The following ALCAM variants were observed in gnomAD, a reference collection of about 807,000 sequenced individuals.
ALCAM encodes the protein activated leukocyte cell adhesion molecule, also known as CD166 antigen.
Under a neutral mutation model 70.9 loss-of-function variants are expected in ALCAM, and 30 were observed. That is an observed-to-expected ratio of 0.42 (90% CI 0.32 to 0.57). ALCAM has a LOEUF of 0.57. Among genes scored for constraint, ALCAM ranks in the 20% least tolerant of loss-of-function variants. The probability of loss-of-function intolerance (pLI) is 0.11; values close to 1 mark genes in which losing one functional copy is unlikely to be tolerated. For missense variants in ALCAM, 591 were observed against 695.1 expected (o/e 0.85, Z 1.68); for synonymous variants, 249 against 242.5 (o/e 1.03, Z -0.25).
intron 1 of ALCAM, among the ~76,000 whole-genome samples, chr3:105,455,270 T>A (rs1937520184): frequency 6.6e-6 from 1 of 150,994 alleles, no homozygotes; most frequent in Non-Finnish European, 1.5e-5. Flanking sequence ...TGAAACCCCG[T>A]CTCTACTAAA....
intron 1 of ALCAM, among the ~76,000 whole-genome samples, chr3:105,395,192 T>G (rs1935920416): frequency 6.6e-6 from 1 of 151,976 alleles, no homozygotes; most frequent in Non-Finnish European, 1.5e-5. Context: ...TGGCAGTTAT[T>G]TTGGGCCTTT....
intron 3 of ALCAM, among the ~76,000 whole-genome samples, chr3:105,530,556 T>C (rs1460193662): frequency 6.6e-6 from 1 of 152,028 alleles, no homozygotes; most frequent in Non-Finnish European, 1.5e-5. Flanking sequence ...TCTATATTTA[T>C]TTTTTCTATT....
chr3:105,563,663 A>ATTTTTTTTTTTT (rs1940677356), intron 14 of ALCAM, among the ~76,000 whole-genome samples: 1 of 72,546 alleles, frequency 1.4e-5, no homozygotes, highest in Admixed American at 1.6e-4. Context: ...AATTCCAAGC[A>ATTTTTTTTTTTT]TTTCTTTTTT....
In ALCAM at chr3:105,461,047, G is replaced by C. The variant is rs1295427457; in HGVS notation, c.74-59020G>C. Among the ~76,000 whole-genome samples the C allele has an allele frequency of 2.6e-5, 4 of 151,348 alleles. No individual in the cohort carries two copies. In the East Asian group the frequency reaches 5.8e-4, roughly 22 times the overall value. ...GTCTGCATGTGTGTGGTGTGCGTTG[G>C]GGTGAATGTATTACTATGAAGTATA... On this transcript the variant is annotated intron_variant, in intron 1 of 15. Transcript: ENST00000306107.
chr3:105,425,989 C>T (rs1936781023), intron 1 of ALCAM, among the ~76,000 whole-genome samples: 1 of 151,750 alleles, frequency 6.6e-6, no homozygotes, highest in African/African-American at 2.4e-5. Flanking sequence ...GAGACCTATC[C>T]CTTCAGTAGA....
intron 14 of ALCAM, among the ~76,000 whole-genome samples, chr3:105,557,078 C>G (rs762711347): frequency 6.6e-6 from 1 of 151,864 alleles, no homozygotes; most frequent in African/African-American, 2.4e-5. Flanking sequence ...CCTTACCAGG[C>G]CTTTTTTGGA....
intron 1 of ALCAM, among the ~76,000 whole-genome samples, chr3:105,420,421 G>A (rs2107414326): frequency 6.6e-6 from 1 of 151,782 alleles, no homozygotes; most frequent in African/African-American, 2.4e-5. Context: ...ACCCAACTTT[G>A]CCTCTGAGAA....
intron 1 of ALCAM, among the ~76,000 whole-genome samples, chr3:105,482,829 C>A (rs568784356): frequency 2.0e-5 from 3 of 151,968 alleles, no homozygotes; most frequent in Non-Finnish European, 4.4e-5. Flanking sequence ...TTTGTGGAGT[C>A]GTCTTTCTCT....
At chr3:105,563,222 G>A (rs567497408) in intron 14 of ALCAM, among the ~76,000 whole-genome samples, 5 of 147,956 alleles carry the variant, frequency 3.4e-5, no homozygotes, top group Admixed American at 2.7e-4. Context: ...AAAAAAAGCC[G>A]GTAGAATTTT....
chr3:105,552,861 T>TGGGA, intron 14 of ALCAM: 1 of 1,207,026 alleles, frequency 8.3e-7, no homozygotes, highest in African/African-American at 1.6e-5. Context: ...TTGAGTGAAT[T>TGGGA]TTTTAAAGCG....
At chr3:105,460,908 T>C (rs1329632770) in intron 1 of ALCAM, among the ~76,000 whole-genome samples, 1 of 151,376 alleles carries the variant, frequency 6.6e-6, no homozygotes, top group Non-Finnish European at 1.5e-5. Flanking sequence ...TTTAGATATA[T>C]GTTTTCAATT....
chr3:105,444,556 A>C (rs1937253756), intron 1 of ALCAM, among the ~76,000 whole-genome samples: 1 of 152,174 alleles, frequency 6.6e-6, no homozygotes, highest in South Asian at 2.1e-4. Flanking sequence ...AAACCATATC[A>C]CCAACATAAT....
intron 1 of ALCAM, among the ~76,000 whole-genome samples, chr3:105,385,288 G>T (rs1211209554): frequency 6.6e-6 from 1 of 151,562 alleles, no homozygotes; most frequent in African/African-American, 2.4e-5. Context: ...TATAGTAAAA[G>T]ATGTGATTTC....
At chr3:105,490,845 C>T (rs533615161) in intron 1 of ALCAM, among the ~76,000 whole-genome samples, 39 of 152,298 alleles carry the variant, frequency 2.6e-4, no homozygotes, top group African/African-American at 8.9e-4. Flanking sequence ...CAGCTTTTCT[C>T]GGCACACAGT....
intron 1 of ALCAM, among the ~76,000 whole-genome samples, chr3:105,441,537 C>T (rs1937170282): frequency 6.6e-6 from 1 of 152,152 alleles, no homozygotes; most frequent in South Asian, 2.1e-4. Context: ...ACATATGGAG[C>T]TGTAAATCAT....
intron 14 of ALCAM, 94 bp downstream of exon 14, chr3:105,552,679 T>C (rs1318963032): frequency 6.3e-7 from 1 of 1,586,376 alleles, no homozygotes; most frequent in Non-Finnish European, 8.6e-7. Flanking sequence ...GTGCATATAA[T>C]TTATACAATA....
At chr3:105,535,756 C>A (rs949265911) in intron 6 of ALCAM, among the ~76,000 whole-genome samples, 7 of 151,884 alleles carry the variant, frequency 4.6e-5, no homozygotes, top group Admixed American at 6.6e-5. Context: ...GGATTTTCTT[C>A]TTATTATTAA....
chr3:105,520,023 C>A (rs777562447), intron 1 of ALCAM, 44 bp from the exon 2 acceptor site: 2 of 1,277,488 alleles, frequency 1.6e-6, no homozygotes, highest in Admixed American at 2.1e-5. Flanking sequence ...AAATTTTGTT[C>A]TCTCTCTCTT....
chr3:105,457,719 C>A (rs888366492), intron 1 of ALCAM, among the ~76,000 whole-genome samples: 15 of 152,070 alleles, frequency 9.9e-5, no homozygotes, highest in Non-Finnish European at 2.9e-5. Context: ...TAGCAAGCCC[C>A]CAAAACAGGG....
Sources: allele counts gnomAD v4.1 joint callset (sites outside exome capture counted in the v4.1 genomes callset), GRCh38; gene constraint gnomAD v4.1.1; transcripts MANE v1.5; gene names NCBI Gene and HGNC (gene_info 2026-07-23, HGNC 2026-07-21).